The following NR2C1 variants were observed in gnomAD, a reference collection of about 807,000 sequenced individuals.
NR2C1 encodes the protein nuclear receptor subfamily 2 group C member 1, also known as TR2 nuclear hormone receptor.
A neutral mutation model predicts 74.8 loss-of-function variants in NR2C1; 33 were observed. The observed-to-expected ratio is 0.44, with a 90% CI of 0.33 to 0.59. NR2C1 has a LOEUF of 0.59. Among genes scored for constraint, NR2C1 ranks in the 20% least tolerant of loss-of-function variants. NR2C1 has a pLI of 0.02. For synonymous variants in NR2C1, 225 were observed against 240.6 expected (o/e 0.94, Z 0.60); for missense variants, 568 against 715.6 (o/e 0.79, Z 2.35).
intron 7 of NR2C1, among the ~76,000 whole-genome samples, chr12:95,054,266 T>C (rs1305717045): frequency 6.6e-6 from 1 of 151,718 alleles, no homozygotes; most frequent in Admixed American, 6.6e-5. Context: ...ACCCAAATAG[T>C]AGAGGTGGGA....
At chr12:95,054,613 T>C (rs549566626) in intron 7 of NR2C1, among the ~76,000 whole-genome samples, 2 of 152,314 alleles carry the variant, frequency 1.3e-5, no homozygotes, top group African/African-American at 4.8e-5. Flanking sequence ...AAGCCCATAA[T>C]GTTAAGCACT....
At chr12:95,038,588 T>C (rs1468389067) in intron 10 of NR2C1, among the ~76,000 whole-genome samples, 2 of 152,190 alleles carry the variant, frequency 1.3e-5, no homozygotes, top group Non-Finnish European at 2.9e-5. Flanking sequence ...CGAAATCCCA[T>C]CTCTACTAAA....
Position 95,073,521 on chromosome 12 carries a change from G to C in NR2C1, c.-149C>G. ...GTGGGATCGAGATTCACGGCGGAGAGAGCTTTCTGTGTTTGGGTATTTCTG... is the reference window on the plus strand; with the variant it reads ...GTGGGATCGAGATTCACGGCGGAGACAGCTTTCTGTGTTTGGGTATTTCTG... On this transcript the variant is annotated 5_prime_UTR_variant, in exon 1 of 14. Coordinates refer to ENST00000333003, the MANE Select transcript of NR2C1 (RefSeq NM_003297.4). 1 of 152,306 alleles carries C rather than the reference G, an allele frequency of 6.6e-6. No homozygotes were observed. Among genetic ancestry groups the C allele is most frequent in the East Asian group, 1.9e-4 (1 of 5,196 alleles). 9.4% of individuals were successfully genotyped at this position (152,306 alleles called of 1,614,324 possible).
chr12:95,030,748 G>T, intron 11 of NR2C1: 1 of 1,607,924 alleles, frequency 6.2e-7, no homozygotes, highest in Non-Finnish European at 8.5e-7. Context: ...AGCTCAAAAG[G>T]CAATTTTCCC....
intron 4 of NR2C1, 104 bp downstream of exon 4, chr12:95,059,802 T>C: frequency 1.3e-6 from 1 of 773,106 alleles, no homozygotes; most frequent in East Asian, 2.7e-5. Flanking sequence ...CTCTTCTTAC[T>C]TTTAGTAGAA....
chr12:95,053,915 C>G (rs952097815), intron 7 of NR2C1, among the ~76,000 whole-genome samples: 2 of 152,042 alleles, frequency 1.3e-5, no homozygotes, highest in African/African-American at 4.8e-5. Context: ...GATCTCCTGA[C>G]CTCGTGATCT....
At chr12:95,023,552 G>A (rs757917370) in intron 13 of NR2C1, among the ~76,000 whole-genome samples, 6 of 152,140 alleles carry the variant, frequency 3.9e-5, no homozygotes, top group South Asian at 2.1e-4. Context: ...AATCAAGACC[G>A]CTGGGTTCAA....
At chr12:95,048,142 TCTCCAACTCCTGGA>T (rs1872537016) in intron 9 of NR2C1, among the ~76,000 whole-genome samples, 1 of 152,030 alleles carries the variant, frequency 6.6e-6, no homozygotes, top group Non-Finnish European at 1.5e-5. Context: ...CCCAGGCTGG[TCTCCAACTCCTGGA>T]CTCATGCAAT....
At chr12:95,025,287 G>T in intron 12 of NR2C1, 32 bp from the exon 13 acceptor site, 3 of 1,090,144 alleles carry the variant, frequency 2.8e-6, no homozygotes, top group Non-Finnish European at 4.1e-6. Flanking sequence ...TGGTACCCTA[G>T]TTCTGAATGT....
intron 10 of NR2C1, among the ~76,000 whole-genome samples, chr12:95,032,780 C>A (rs1368742338): frequency 6.6e-6 from 1 of 152,100 alleles, no homozygotes; most frequent in Non-Finnish European, 1.5e-5. Flanking sequence ...CCAGCCTGGG[C>A]AACATGGCGA....
intron 10 of NR2C1, among the ~76,000 whole-genome samples, chr12:95,031,707 T>C (rs995905720): frequency 1.3e-5 from 2 of 152,208 alleles, no homozygotes; most frequent in Non-Finnish European, 2.9e-5. Flanking sequence ...AGCCAGTTTA[T>C]AAGAACAATT....
At chr12:95,033,427 A>C (rs745687251) in intron 10 of NR2C1, among the ~76,000 whole-genome samples, 8 of 152,176 alleles carry the variant, frequency 5.3e-5, no homozygotes, top group African/African-American at 1.4e-4. Flanking sequence ...GCAGAGAATT[A>C]AAACAAACAA....
chr12:95,030,486 T>C (rs1869942717), intron 11 of NR2C1: 4 of 1,541,914 alleles, frequency 2.6e-6, no homozygotes, highest in Admixed American at 4.2e-5. Flanking sequence ...TAGTCAACCA[T>C]AGCTTTCCTG....
In NR2C1 at chr12:95,057,650, C is replaced by G; in HGVS notation, c.693-7G>C. 6.2e-7 allele frequency: 1 copy of G among 1,612,988 alleles called. No homozygotes were observed. On this transcript the variant is annotated splice_region_variant and splice_polypyrimidine_tract_variant and intron_variant, in intron 6 of 13. Transcript: ENST00000333003. The stretch of plus-strand genomic sequence containing the variant: ...ATCTAACAGTCCTGTTGACCTGTAA[C>G]AAATCAGCACAAATTTTGGCCTGAG...
At chr12:95,023,398 GA>G (rs1868989993) in intron 13 of NR2C1, among the ~76,000 whole-genome samples, 1 of 152,068 alleles carries the variant, frequency 6.6e-6, no homozygotes, top group South Asian at 2.1e-4. Context: ...AAAAGAAAAA[GA>G]ATGGCTTAGC....
intron 1 of NR2C1, among the ~76,000 whole-genome samples, chr12:95,069,207 T>C (rs932641523): frequency 2.6e-5 from 4 of 152,170 alleles, no homozygotes; most frequent in African/African-American, 7.2e-5. Context: ...TCAACACCAG[T>C]GTATTGGTGC....
At chr12:95,037,831 C>G (rs1191711830) in intron 10 of NR2C1, among the ~76,000 whole-genome samples, 2 of 145,802 alleles carry the variant, frequency 1.4e-5, no homozygotes, top group Non-Finnish European at 3.0e-5. Context: ...GGAGGCGGAG[C>G]TTGCACTGAG....
At chr12:95,031,618 G>A in intron 10 of NR2C1, 130 bp from the exon 11 acceptor site, 1 of 650,972 alleles carries the variant, frequency 1.5e-6, no homozygotes, top group East Asian at 3.3e-5. Flanking sequence ...ATTTGAGCAA[G>A]TCTGTGTTTT....
intron 10 of NR2C1, among the ~76,000 whole-genome samples, chr12:95,040,132 G>A (rs1168736006): frequency 6.6e-6 from 1 of 151,452 alleles, no homozygotes; most frequent in Non-Finnish European, 1.5e-5. Flanking sequence ...CAGTAGTGAT[G>A]AGAGAGAAAC....
Sources: allele counts gnomAD v4.1 joint callset (sites outside exome capture counted in the v4.1 genomes callset), GRCh38; gene constraint gnomAD v4.1.1; transcripts MANE v1.5; gene names NCBI Gene and HGNC (gene_info 2026-07-23, HGNC 2026-07-21).